The following IL4R variants were observed in gnomAD, a reference collection of about 807,000 sequenced individuals.
IL4R encodes interleukin 4 receptor.
IL4R carries 17 observed loss-of-function variants against 41.5 expected under a neutral mutation model. The ratio of observed to expected loss-of-function variants is 0.41; its 90% confidence interval spans 0.28 to 0.61. The LOEUF (loss-of-function observed/expected upper bound fraction) is 0.61, where lower values mean the gene tolerates loss of function less well. IL4R is among the 20% of genes least tolerant of loss of function. IL4R has a pLI of 0.31. For synonymous variants in IL4R, 402 were observed against 422.9 expected (o/e 0.95, Z 0.61); for missense variants, 974 against 1,043.1 (o/e 0.93, Z 0.91).
At chr16:27,332,442 C>T (rs1329471771) in intron 2 of IL4R, among the ~76,000 whole-genome samples, 1 of 152,090 alleles carries the variant, frequency 6.6e-6, no homozygotes, top group East Asian at 1.9e-4. Flanking sequence ...CTAATCACCT[C>T]CCATGAGGTC....
chr16:27,323,587 G>T (rs1217370467), intron 1 of IL4R, among the ~76,000 whole-genome samples: 1 of 152,088 alleles, frequency 6.6e-6, no homozygotes, highest in Non-Finnish European at 1.5e-5. Context: ...CAATGGAGAT[G>T]ATATTAATTG....
chr16:27,339,006 C>T (rs1423986795), intron 2 of IL4R, among the ~76,000 whole-genome samples: 1 of 152,038 alleles, frequency 6.6e-6, no homozygotes, highest in African/African-American at 2.4e-5. Context: ...AGGTGCCCGC[C>T]ACCACACTCG....
At chr16:27,329,382 A>G (rs2085050438) in intron 1 of IL4R, among the ~76,000 whole-genome samples, 1 of 152,126 alleles carries the variant, frequency 6.6e-6, no homozygotes, top group Non-Finnish European at 1.5e-5. Context: ...TTCTTATGGC[A>G]TATTTTAATC....
At chr16:27,347,830 G>A (rs1394682887) in intron 6 of IL4R, among the ~76,000 whole-genome samples, 1 of 152,256 alleles carries the variant, frequency 6.6e-6, no homozygotes, top group Admixed American at 6.5e-5. Flanking sequence ...CTGTAACACA[G>A]GAGTGACAAG....
At chr16:27,343,408 G>GTTTT (rs138181196) in intron 4 of IL4R, among the ~76,000 whole-genome samples, 17,991 of 143,382 alleles carry the variant, frequency 0.13, 1,191 homozygotes, top group Middle Eastern at 0.17. Context: ...CCTCCTTTAT[G>GTTTT]TTTTTTGTTT....
rs374233638 is a variant in IL4R, at chr16:27,362,727, T to C, written c.1375T>C (p.Trp459Arg). The C allele has an allele frequency of 1.9e-6, 3 of 1,613,972 alleles. No homozygotes were observed. Among genetic ancestry groups the C allele is most frequent in the South Asian group, 1.1e-5 (1 of 91,086 alleles). Reference sequence around the variant, plus strand: ...TGCAGGGCCCAAGGAGGCACCTCCCTGGGGCAAGGAGCAGCCTCTCCACCT... The same window carrying C: ...TGCAGGGCCCAAGGAGGCACCTCCCCGGGGCAAGGAGCAGCCTCTCCACCT... ...PSAGPKEAPP[W>R]GKEQPLHLEP... Residue 459 changes from tryptophan to arginine, a missense_variant, in exon 11 of 11, where the codon TGG (tryptophan) becomes CGG (arginine). By Grantham distance (101) the Trp-to-Arg change is moderately radical (BLOSUM62 -3). This residue lies in a region of IL4R where 682 missense variants were observed against 704.3 expected (regional missense o/e 0.97). Transcript: ENST00000395762.
At chr16:27,341,536 C>A (rs993785122) in intron 3 of IL4R, among the ~76,000 whole-genome samples, 1 of 152,128 alleles carries the variant, frequency 6.6e-6, no homozygotes, top group Non-Finnish European at 1.5e-5. Flanking sequence ...AATTCCAGTC[C>A]TGCCATGGCC....
intron 7 of IL4R, among the ~76,000 whole-genome samples, chr16:27,353,038 CAA>C (rs2085934142): frequency 6.6e-6 from 1 of 152,202 alleles, no homozygotes; most frequent in Non-Finnish European, 1.5e-5. Context: ...TTCTCCAGGA[CAA>C]AGATTCTTAC....
At chr16:27,343,451 A>G (rs1387307441) in intron 4 of IL4R, among the ~76,000 whole-genome samples, 1 of 152,060 alleles carries the variant, frequency 6.6e-6, no homozygotes, top group Admixed American at 6.6e-5. Flanking sequence ...TTTGAGACAG[A>G]GTTTCGCTCT....
At chr16:27,352,757 G>A in intron 7 of IL4R, 61 bp downstream of exon 7, 1 of 1,540,526 alleles carries the variant, frequency 6.5e-7, no homozygotes, top group Non-Finnish European at 8.9e-7. Context: ...CCTGTGGCCA[G>A]ACACTTCCCC....
At chr16:27,322,060 A>C (rs34213105) in intron 1 of IL4R, among the ~76,000 whole-genome samples, 17,290 of 149,970 alleles carry the variant, frequency 0.12, 1,110 homozygotes, top group Middle Eastern at 0.16. Flanking sequence ...CTATTTGATC[A>C]AGCTAGCTAT....
intron 3 of IL4R, among the ~76,000 whole-genome samples, chr16:27,340,765 G>A (rs2085415364): frequency 6.6e-6 from 1 of 152,172 alleles, no homozygotes; most frequent in African/African-American, 2.4e-5. Flanking sequence ...AACAGCATAA[G>A]AGGGGGTTGG....
chr16:27,346,809 A>G lies in IL4R; in HGVS notation c.513+191A>G, dbSNP rs3024574. 2.2e-3 allele frequency among the ~76,000 whole-genome samples: 336 copies of G among 151,768 alleles called. 2 individuals carry two copies. Among genetic ancestry groups the G allele is most frequent in the African/African-American group, 7.7e-3 (320 of 41,352 alleles). ...AAGTCCCTTTGCTTCCTGGCCCCCC[A>G]CCCCTCACATCAGAGAAGGGGAGTT... On this transcript the variant is annotated intron_variant, in intron 6 of 10. Coordinates refer to ENST00000395762, the MANE Select transcript of IL4R (RefSeq NM_000418.4).
intron 6 of IL4R, among the ~76,000 whole-genome samples, chr16:27,352,133 C>G (rs1172653051): frequency 6.6e-6 from 1 of 152,174 alleles, no homozygotes; most frequent in African/African-American, 2.4e-5. Flanking sequence ...TCACCACAAC[C>G]CTGCGGGAAG....
intron 4 of IL4R, among the ~76,000 whole-genome samples, chr16:27,343,980 A>T (rs1399317331): frequency 6.6e-6 from 1 of 152,146 alleles, no homozygotes; most frequent in Non-Finnish European, 1.5e-5. Flanking sequence ...ATATCCAGTG[A>T]GAACAGATCT....
chr16:27,337,342 G>A (rs987986294), intron 2 of IL4R, among the ~76,000 whole-genome samples: 3 of 152,088 alleles, frequency 2.0e-5, no homozygotes, highest in Non-Finnish European at 4.4e-5. Context: ...CCTGTTTGCT[G>A]CAAGCCTGTG....
chr16:27,363,695 AC>A lies in IL4R; in HGVS notation c.2346del (p.Ser783ArgfsTer30). 6.2e-7 allele frequency: 1 copy of A among 1,612,954 alleles called. No individual in the cohort carries two copies. The part of the protein sequence containing the change: ...EASLCPASLA[P>X]SGISEKSKSS... Reference sequence around the variant, plus strand: ...CCAGTCTGTGTCCGGCCTCCCTGGCACCCTCGGGCATCTCAGAGAAGAGTAA... The same window carrying A: ...CCAGTCTGTGTCCGGCCTCCCTGGCACCTCGGGCATCTCAGAGAAGAGTAA... On this transcript the variant is annotated frameshift_variant, in exon 11 of 11. Transcript: ENST00000395762. LOFTEE classifies it low-confidence loss of function (END_TRUNC).
At position 27,334,032 on chromosome 16, in the gene IL4R, G is replaced by T. The variant is rs181543825; in HGVS notation, c.-19+3834G>T. On this transcript the variant is annotated intron_variant, in intron 2 of 10. Transcript: ENST00000395762. ...TGAGTAGCTGGGACTACAGGCACCCGCCACCACGCCCAGCTAATTTTTTGT... is the reference window on the plus strand; with the variant it reads ...TGAGTAGCTGGGACTACAGGCACCCTCCACCACGCCCAGCTAATTTTTTGT... Among the ~76,000 whole-genome samples the T allele has an allele frequency of 3.9e-5, 6 of 151,966 alleles. No individual in the cohort carries two copies. The East Asian group carries it at 1.2e-3, about 29-fold the overall frequency.
chr16:27,327,258 A>G (rs1363415962), intron 1 of IL4R, among the ~76,000 whole-genome samples: 1 of 151,950 alleles, frequency 6.6e-6, no homozygotes, highest in East Asian at 1.9e-4. Context: ...TCCTGCCCAG[A>G]GGGAAGAAGA....
Sources: gnomAD v4.1 joint callset for allele counts (sites outside exome capture counted in the v4.1 genomes callset) on GRCh38, gnomAD v4.1.1 for gene constraint, gnomAD v4.1.1 regional missense constraint, MANE v1.5 for transcripts, NCBI Gene and HGNC (gene_info 2026-07-23, HGNC 2026-07-21) for gene names.